Variants in BLOC1S3 observed in about 807,000 individuals in gnomAD.
BLOC1S3 encodes biogenesis of lysosome-related organelles complex 1 subunit 3.
Under a neutral mutation model 9.1 loss-of-function variants are expected in BLOC1S3, and 7 were observed. The ratio of observed to expected loss-of-function variants is 0.77; its 90% CI spans 0.44 to 1.45. The LOEUF is 1.45. Among genes scored for constraint, BLOC1S3 ranks in the 40% most tolerant of loss-of-function variants. BLOC1S3 has a pLI of 0.01. For synonymous variants in BLOC1S3, 145 were observed against 158.4 expected (o/e 0.92, Z 0.64); for missense variants, 307 against 315.2 (o/e 0.97, Z 0.20).
At chr19:45,196,865 C>T (rs554903704) in intron 2 of BLOC1S3, among the ~76,000 whole-genome samples, 8 of 150,228 alleles carry the variant, frequency 5.3e-5, no homozygotes, top group African/African-American at 1.9e-4. Flanking sequence ...GGGGCCACTG[C>T]ACTCCAGCCT....
At chr19:45,203,408 G>C (rs780423712) in intron 3 of BLOC1S3, among the ~76,000 whole-genome samples, 46 of 152,140 alleles carry the variant, frequency 3.0e-4, no homozygotes, top group Non-Finnish European at 6.2e-4. Flanking sequence ...TAAGTAGCTG[G>C]GATTACAGGC....
In BLOC1S3 at chr19:45,213,202, G is replaced by A. The variant is rs1445317157; in HGVS notation, n.283-3474G>A. ...GAGGCTGAGACAGAAAGATGGGCGG[G>A]GCACAGGGATGTCTGCAAAGAAGGC... is the stretch of plus-strand genomic sequence containing the variant. On this transcript the variant is annotated intron_variant and non_coding_transcript_variant, in intron 3 of 3. Transcript: ENST00000591569. 15 of 1,609,852 alleles carry A rather than the reference G, an allele frequency of 9.3e-6. No individual in the cohort carries two copies. Among genetic ancestry groups the A allele is most frequent in the Non-Finnish European group, 1.3e-5 (15 of 1,177,944 alleles).
rs537995790 is a variant in BLOC1S3, at chr19:45,212,144, C to T, written n.283-4532C>T. 3.3e-5 allele frequency among the ~76,000 whole-genome samples: 5 copies of T among 152,342 alleles called. No individual in the cohort carries two copies. The South Asian group carries it at 1.0e-3, about 32-fold the overall frequency. On this transcript the variant is annotated intron_variant and non_coding_transcript_variant, in intron 3 of 3. Transcript: ENST00000591569. Reference sequence around the variant, plus strand: ...GACAGGCACTTTGAGATTGACCAGACGAGGGACCCTGGCTCAGAGTGGCGA... The same window carrying T: ...GACAGGCACTTTGAGATTGACCAGATGAGGGACCCTGGCTCAGAGTGGCGA...
intron 2 of BLOC1S3, among the ~76,000 whole-genome samples, chr19:45,189,394 G>C (rs1183803329): frequency 6.6e-6 from 1 of 151,206 alleles, no homozygotes; most frequent in Non-Finnish European, 1.5e-5. Flanking sequence ...TGACCTTTGG[G>C]AGTTTGATTA....
At chr19:45,202,088 T>C (rs1250167662) in intron 2 of BLOC1S3, among the ~76,000 whole-genome samples, 2 of 151,518 alleles carry the variant, frequency 1.3e-5, no homozygotes, top group Non-Finnish European at 2.9e-5. Context: ...GCTGGGCGCC[T>C]GTAATCCCAG....
downstream of BLOC1S3, among the ~76,000 whole-genome samples, chr19:45,186,550 CA>C (rs1969567134): frequency 6.6e-6 from 1 of 151,974 alleles, no homozygotes. Flanking sequence ...ACTAAAAATA[CA>C]AAAATTAGTC....
chr19:45,184,183 G>A (rs1019407550), downstream of BLOC1S3, among the ~76,000 whole-genome samples: 1 of 152,046 alleles, frequency 6.6e-6, no homozygotes, highest in Non-Finnish European at 1.5e-5. Flanking sequence ...TGAACTCCTG[G>A]CCTCAATGGA....
chr19:45,216,303 T>C, intron 3 of BLOC1S3: 1 of 1,433,726 alleles, frequency 7.0e-7, no homozygotes, highest in Non-Finnish European at 9.3e-7. Context: ...AAACCAGGGG[T>C]GGTGGCTCAA....
chr19:45,191,666 G>A lies in BLOC1S3; in HGVS notation n.180+3926G>A, dbSNP rs182633437. On this transcript the variant is annotated intron_variant and non_coding_transcript_variant, in intron 2 of 3. Transcript: ENST00000591569. ...GGGGCACCCCAAGCCCAGGAATGCC[G>A]TGGCCCTTGGAGACTTGTAGAGACA... Among the ~76,000 whole-genome samples the A allele has an allele frequency of 1.8e-3, 267 of 152,354 alleles. 1 individual carries two copies. The highest frequency in any genetic ancestry group is 5.8e-3 in the African/African-American group (243 of 41,578).
At chr19:45,206,871 C>G (rs1486169293) in intron 3 of BLOC1S3, among the ~76,000 whole-genome samples, 1 of 152,012 alleles carries the variant, frequency 6.6e-6, no homozygotes, top group Non-Finnish European at 1.5e-5. Flanking sequence ...GAGTTTCACT[C>G]TTGTCACCCA....
In BLOC1S3 at chr19:45,180,688, CCTAGCTCCA is replaced by C. The variant is rs1284747621; in HGVS notation, c.*786_*794del. ...TCACTCAGTTGGCTACGCCTCCCATCCTAGCTCCACTTCCAGAACTGCCTTCACCCTAGG... is the reference window on the plus strand; with the variant it reads ...TCACTCAGTTGGCTACGCCTCCCATCCTTCCAGAACTGCCTTCACCCTAGG... On this transcript the variant is annotated 3_prime_UTR_variant, in exon 2 of 2. Transcript: ENST00000433642. The C allele has an allele frequency of 3.0e-5, 5 of 167,216 alleles. No individual in the cohort carries two copies. Among genetic ancestry groups the C allele is most frequent in the African/African-American group, 1.2e-4 (5 of 41,444 alleles). 10.4% of individuals were successfully genotyped at this position (167,216 alleles called of 1,614,324 possible).
At chr19:45,197,677 T>C (rs1235417823) in intron 2 of BLOC1S3, among the ~76,000 whole-genome samples, 2 of 151,418 alleles carry the variant, frequency 1.3e-5, no homozygotes, top group African/African-American at 4.9e-5. Context: ...ATACAAAAAT[T>C]AGCCAGGCAT....
Position 45,179,708 on chromosome 19 carries a change from G to A in BLOC1S3, c.412G>A (p.Asp138Asn), listed in dbSNP as rs1399076814. The A allele has an allele frequency of 2.1e-6, 3 of 1,459,032 alleles. No individual in the cohort carries two copies. Among genetic ancestry groups the A allele is most frequent in the African/African-American group, 3.0e-5 (2 of 67,450 alleles). 90.4% of individuals were successfully genotyped at this position (1,459,032 alleles called of 1,614,324 possible). A position where few individuals can be genotyped will look rare whatever the true frequency, so the allele number is the denominator to read the frequency against. The change falls in exon 2 of 2, where the codon GAC becomes AAC. Residue 138 changes from aspartate (D) to asparagine (N), a missense_variant. Coordinates refer to ENST00000433642, the MANE Select transcript of BLOC1S3 (RefSeq NM_212550.5). The surrounding 1 kb of genome is among the most constrained non-coding windows in gnomAD (Gnocchi z 4.6). ...CGGTGTCTACCGCCGTGCAGGCCGC[G>A]ACGTGGCCGCCCTGGCTAGTAGGCT... is the stretch of plus-strand genomic sequence containing the variant. Reference protein sequence around the residue: ...VSGVYRRAGRDVAALASRLAA... With the variant: ...VSGVYRRAGRNVAALASRLAA...
intron 2 of BLOC1S3, among the ~76,000 whole-genome samples, chr19:45,199,802 G>C (rs1015017052): frequency 6.7e-6 from 1 of 150,142 alleles, no homozygotes; most frequent in Non-Finnish European, 1.5e-5. Context: ...TCACTTTGTC[G>C]ACCAGGCTGG....
downstream of BLOC1S3, among the ~76,000 whole-genome samples, chr19:45,184,903 C>CAAAAA (rs71338752): frequency 3.7e-3 from 178 of 48,286 alleles, 11 homozygotes; most frequent in African/African-American, 0.011. Context: ...CTGTCTCAAA[C>CAAAAA]AAAAAAAAAA....
intron 3 of BLOC1S3, chr19:45,202,591 G>A (rs1969699615): frequency 6.6e-6 from 1 of 152,314 alleles, no homozygotes; most frequent in Non-Finnish European, 1.5e-5. Context: ...TGCTGTGCAA[G>A]AGCCAAGACC....
intron 3 of BLOC1S3, among the ~76,000 whole-genome samples, chr19:45,211,774 C>A (rs1019546229): frequency 6.6e-6 from 1 of 150,582 alleles, no homozygotes; most frequent in Non-Finnish European, 1.5e-5. Context: ...TAACCCCTGG[C>A]TGCCTCCTCT....
At chr19:45,207,908 G>A (rs1969739915) in intron 3 of BLOC1S3, among the ~76,000 whole-genome samples, 1 of 151,836 alleles carries the variant, frequency 6.6e-6, no homozygotes, top group African/African-American at 2.4e-5. Context: ...CTGTTTTGAT[G>A]TTGTATTACA....
intron 2 of BLOC1S3, among the ~76,000 whole-genome samples, chr19:45,198,068 TGG>T (rs1568474528): frequency 6.6e-6 from 1 of 152,008 alleles, no homozygotes; most frequent in South Asian, 2.1e-4. Context: ...AACAGGAGTG[TGG>T]GGGAAACAAG....
Sources: allele counts gnomAD v4.1 joint callset (sites outside exome capture counted in the v4.1 genomes callset), GRCh38; gene constraint gnomAD v4.1.1; non-coding constraint Gnocchi (gnomAD v3.1); transcripts MANE v1.5; gene names NCBI Gene and HGNC (gene_info 2026-07-23, HGNC 2026-07-21).